Variants in LIMCH1 observed in about 807,000 individuals in gnomAD.
The protein encoded by LIMCH1 is LIM and calponin homology domains 1.
LIMCH1 carries 113 observed loss-of-function variants against 176.5 expected under a neutral mutation model. The ratio of observed to expected loss-of-function variants is 0.64; its 90% confidence interval spans 0.55 to 0.75. The LOEUF is 0.75. LIMCH1 is among the 30% of genes least tolerant of loss of function. The pLI is 0.00. For missense variants in LIMCH1, 1,674 were observed against 1,814.9 expected (o/e 0.92, Z 1.41); for synonymous variants, 619 against 645.9 (o/e 0.96, Z 0.63).
At chr4:41,671,681 G>A (rs182234956) in intron 22 of LIMCH1, 87 bp downstream of exon 22, 41 of 1,057,008 alleles carry the variant, frequency 3.9e-5, no homozygotes, top group African/African-American at 3.3e-4. Context: ...TATTCAGGCC[G>A]GGTGCAGGCG....
Position 41,481,564 on chromosome 4 carries a change from G to C in LIMCH1, c.97-12972G>C, listed in dbSNP as rs1446435694. Reference sequence around the variant, plus strand: ...TGGGAGGTGGCCTGTGGAATGGCTGGAGTGGAAGCAGAGAGATCCCTCAGG... The same window carrying C: ...TGGGAGGTGGCCTGTGGAATGGCTGCAGTGGAAGCAGAGAGATCCCTCAGG... On this transcript the variant is annotated intron_variant, in intron 1 of 26. Coordinates refer to the LIMCH1 transcript ENST00000313860. Among the ~76,000 whole-genome samples, 4 of 152,212 alleles carry C rather than the reference G, an allele frequency of 2.6e-5. No individual in the cohort carries two copies. In the East Asian group the frequency reaches 7.7e-4, roughly 29 times the overall value.
chr4:41,578,796 TG>T (rs1314162504), intron 1 of LIMCH1, among the ~76,000 whole-genome samples: 2 of 151,702 alleles, frequency 1.3e-5, no homozygotes, highest in African/African-American at 4.8e-5. Flanking sequence ...CATAGCTCCC[TG>T]TAGCCTTGAA....
Position 41,682,406 on chromosome 4 carries a change from A to C in LIMCH1, c.3791A>C (p.Asp1264Ala). 1 of 1,613,444 alleles carries C rather than the reference A, an allele frequency of 6.2e-7. No homozygotes were observed. The highest frequency in any genetic ancestry group is 8.5e-7 in the Non-Finnish European group (1 of 1,179,488). ...TGGAAGAAATCATTCCAGGGAGATG[A>C]CAGTGACTTATTGCTGAAGACTAGG... Reference protein sequence around the residue: ...RRWKKSFQGDDSDLLLKTRES... With the variant: ...RRWKKSFQGDASDLLLKTRES... Residue 1264 changes from aspartate (D) to alanine (A), a missense_variant, in exon 26 of 32, where the codon GAC becomes GCC. Asp to Ala is a moderately radical substitution (Grantham distance 126). This residue lies in a region of LIMCH1 where 1,015 missense variants were observed against 1,102.5 expected (regional missense o/e 0.92). Coordinates refer to ENST00000503057, the MANE Select transcript of LIMCH1 (RefSeq NM_001330672.2).
At chr4:41,680,205 CTT>C in intron 24 of LIMCH1, 107 bp downstream of exon 24, 1 of 733,034 alleles carries the variant, frequency 1.4e-6, no homozygotes, top group Non-Finnish European at 2.4e-6. Context: ...GTGTCTGACT[CTT>C]TACTGACAGC....
At chr4:41,416,903 C>T (rs7655032) in intron 1 of LIMCH1, among the ~76,000 whole-genome samples, 40,692 of 151,940 alleles carry the variant, frequency 0.27, 6,149 homozygotes, top group South Asian at 0.4. Context: ...ACAAATAGAA[C>T]CAGTGTCTCC....
intron 8 of LIMCH1, among the ~76,000 whole-genome samples, chr4:41,628,577 A>G (rs894069076): frequency 3.3e-5 from 5 of 152,172 alleles, no homozygotes; most frequent in African/African-American, 1.2e-4. Flanking sequence ...TTGATTTTCC[A>G]GCTTGAATGA....
At chr4:41,373,613 T>C (rs1460435389) in intron 1 of LIMCH1, among the ~76,000 whole-genome samples, 7 of 152,246 alleles carry the variant, frequency 4.6e-5, no homozygotes, top group Non-Finnish European at 1.0e-4. Flanking sequence ...ATGAGCTAGC[T>C]ACAAACTCTT....
chr4:41,371,944 C>T (rs1367405501), intron 1 of LIMCH1, among the ~76,000 whole-genome samples: 1 of 152,138 alleles, frequency 6.6e-6, no homozygotes, highest in Non-Finnish European at 1.5e-5. Context: ...GTGCAAGTTG[C>T]GATGGTTCAT....
chr4:41,627,872 T>G (rs2093067891), intron 8 of LIMCH1, among the ~76,000 whole-genome samples: 2 of 152,258 alleles, frequency 1.3e-5, no homozygotes, highest in African/African-American at 4.8e-5. Flanking sequence ...TAGAGGTTTT[T>G]AAGCCTGTTG....
intron 2 of LIMCH1, among the ~76,000 whole-genome samples, chr4:41,522,288 T>C (rs1334792839): frequency 2.0e-5 from 3 of 152,266 alleles, no homozygotes; most frequent in South Asian, 2.1e-4. Context: ...CTCCAAAATA[T>C]ATTGTTAAGT....
At chr4:41,673,810 TA>T (rs2095129713) in intron 22 of LIMCH1, among the ~76,000 whole-genome samples, 1 of 152,224 alleles carries the variant, frequency 6.6e-6, no homozygotes, top group Non-Finnish European at 1.5e-5. Context: ...TATGGACTTG[TA>T]AACAGGTAAA....
intron 1 of LIMCH1, among the ~76,000 whole-genome samples, chr4:41,488,188 A>T (rs902484810): frequency 2.6e-5 from 4 of 152,174 alleles, no homozygotes; most frequent in African/African-American, 4.8e-5. Flanking sequence ...AATGCTTTTG[A>T]CAAAAATGTA....
chr4:41,566,271 T>C (rs929330928), intron 1 of LIMCH1, among the ~76,000 whole-genome samples: 4 of 152,218 alleles, frequency 2.6e-5, no homozygotes, highest in Admixed American at 6.5e-5. Context: ...CTTAATGGCA[T>C]CTAGCATGAT....
At chr4:41,381,608 G>A (rs2055681755) in intron 1 of LIMCH1, among the ~76,000 whole-genome samples, 1 of 152,080 alleles carries the variant, frequency 6.6e-6, no homozygotes, top group Non-Finnish European at 1.5e-5. Flanking sequence ...GACTTGCTTT[G>A]GCCAGTAGAA....
intron 2 of LIMCH1, among the ~76,000 whole-genome samples, chr4:41,508,879 C>A (rs1219654568): frequency 6.6e-6 from 1 of 152,202 alleles, no homozygotes; most frequent in Non-Finnish European, 1.5e-5. Context: ...TCTCTGGGAA[C>A]TGCCAGTCAA....
At chr4:41,393,073 C>T (rs1014211488) in intron 1 of LIMCH1, among the ~76,000 whole-genome samples, 5 of 151,942 alleles carry the variant, frequency 3.3e-5, no homozygotes, top group African/African-American at 1.2e-4. Context: ...ATTTTTTGGT[C>T]GAGCACATGT....
intron 1 of LIMCH1, among the ~76,000 whole-genome samples, chr4:41,420,181 G>C (rs140465405): frequency 6.6e-6 from 1 of 152,130 alleles, no homozygotes; most frequent in African/African-American, 2.4e-5. Flanking sequence ...TCCATTTTCC[G>C]TGTGTCAGTG....
chr4:41,656,130 T>C (rs1265294308), intron 18 of LIMCH1, among the ~76,000 whole-genome samples: 1 of 152,230 alleles, frequency 6.6e-6, no homozygotes, highest in Non-Finnish European at 1.5e-5. Flanking sequence ...GGTAGGTCTG[T>C]TTTTCCCATT....
chr4:41,382,786 A>G (rs930568983), intron 1 of LIMCH1, among the ~76,000 whole-genome samples: 5 of 152,156 alleles, frequency 3.3e-5, no homozygotes, highest in Non-Finnish European at 7.4e-5. Flanking sequence ...CAGAGCTTAT[A>G]TGGCTGTCAC....
Sources: gnomAD v4.1 joint callset for allele counts (sites outside exome capture counted in the v4.1 genomes callset) on GRCh38, gnomAD v4.1.1 for gene constraint, gnomAD v4.1.1 regional missense constraint, MANE v1.5 for transcripts, NCBI Gene and HGNC (gene_info 2026-07-23, HGNC 2026-07-21) for gene names.